TG: variants seen among roughly 807,000 people sequenced by gnomAD.
TG encodes thyroid hormones.
TG carries 270 observed loss-of-function variants against 324.7 expected under a neutral mutation model. That is an observed-to-expected ratio of 0.83 (90% CI 0.75 to 0.92). The LOEUF (loss-of-function observed/expected upper bound fraction) is 0.92. Among genes scored for constraint, TG ranks in the 40% least tolerant of loss-of-function variants. The pLI, the probability that TG is intolerant of heterozygous loss-of-function variation, is 0.00. For missense variants in TG, 3,591 were observed against 3,456.4 expected, an observed-to-expected ratio of 1.04 and a Z score of -0.98; for synonymous variants, 1,401 against 1,327.0, an observed-to-expected ratio of 1.06 and a Z score of -1.21.
intron 41 of TG, chr8:133,087,883 C>T (rs976064750): frequency 7.2e-5 from 11 of 152,162 alleles, no homozygotes; most frequent in African/African-American, 2.7e-4. Flanking sequence ...AAACCTGGGG[C>T]CAGAAAACCT....
Position 132,873,130 on chromosome 8 carries a change from T to C in TG, c.547T>C (p.Cys183Arg). 6.2e-7 allele frequency: 1 copy of C among 1,614,168 alleles called. No homozygotes were observed. Among genetic ancestry groups the C allele is most frequent in the Non-Finnish European group, 8.5e-7 (1 of 1,180,022 alleles). The change falls in exon 5 of 48, where the codon TGT (cysteine) becomes CGT (arginine). Residue 183 changes from cysteine to arginine, a missense_variant. Transcript: ENST00000220616. ...GGTGGGAGATAAGTCACCACCCCAG[T>C]GTTCTGCGGAGGGAGAGTTTATGCC... Reference protein sequence around the residue: ...HGVGDKSPPQCSAEGEFMPVQ... With the variant: ...HGVGDKSPPQRSAEGEFMPVQ...
chr8:133,025,388 C>G (rs72727499), intron 40 of TG, among the ~76,000 whole-genome samples: 1 of 152,142 alleles, frequency 6.6e-6, no homozygotes, highest in Non-Finnish European at 1.5e-5. Context: ...TGCAACTGTT[C>G]CCTCTTTCAT....
At chr8:133,107,982 CT>C (rs377363035) in intron 43 of TG, among the ~76,000 whole-genome samples, 334 of 134,096 alleles carry the variant, frequency 2.5e-3, no homozygotes, top group Middle Eastern at 0.012. Flanking sequence ...TTCTTTTCTT[CT>C]TTTTTTTTTT....
chr8:132,968,196 G>A (rs574049903), intron 31 of TG, among the ~76,000 whole-genome samples: 187 of 152,210 alleles, frequency 1.2e-3, no homozygotes, highest in African/African-American at 4.3e-3. Context: ...TTATTTGGGG[G>A]CAGTATTTCA....
At chr8:132,948,347 A>G (rs564074673) in intron 26 of TG, among the ~76,000 whole-genome samples, 11 of 152,212 alleles carry the variant, frequency 7.2e-5, no homozygotes, top group African/African-American at 2.4e-4. Flanking sequence ...GAGAGAGTGA[A>G]TATGATGGGA....
At chr8:132,949,002 C>G (rs1355770307) in intron 27 of TG, 59 bp downstream of exon 27, 68 of 1,514,788 alleles carry the variant, frequency 4.5e-5, no homozygotes, top group Non-Finnish European at 5.9e-5. Context: ...GAGCAAGGCC[C>G]TCTGCTACTT....
intron 27 of TG, among the ~76,000 whole-genome samples, chr8:132,949,497 A>G (rs1470247151): frequency 1.3e-5 from 2 of 152,214 alleles, no homozygotes; most frequent in Admixed American, 1.3e-4. Context: ...ATGTGCAAAT[A>G]GTATGACTAC....
At chr8:132,983,503 A>T (rs192520696) in intron 35 of TG, 91 bp downstream of exon 35, 7 of 1,238,510 alleles carry the variant, frequency 5.7e-6, no homozygotes, top group Admixed American at 1.7e-5. Flanking sequence ...ACAGAAGTTG[A>T]TAGCTTGCAT....
At chr8:132,867,168 C>A in intron 1 of TG, 101 bp downstream of exon 1, 2 of 1,017,432 alleles carry the variant, frequency 2.0e-6, no homozygotes, top group South Asian at 1.4e-5. Context: ...ATTTAATCTT[C>A]ACAAATTCCC....
At position 133,030,701 on chromosome 8, in the gene TG, TAAG is replaced by T. The variant is rs952274331; in HGVS notation, c.7239+683_7239+685del. Among the ~76,000 whole-genome samples, 5 of 152,218 alleles carry T rather than the reference TAAG, an allele frequency of 3.3e-5. No homozygotes were observed. The East Asian group carries it at 7.7e-4, about 23-fold the overall frequency. ...GACAAATGCTTAAAGCAGATATTTATAAGAAGATCTCAGGGCAGCCCTAAGAGA... is the reference window on the plus strand; with the variant it reads ...GACAAATGCTTAAAGCAGATATTTATAAGATCTCAGGGCAGCCCTAAGAGA... On this transcript the variant is annotated intron_variant, in intron 41 of 47. Transcript: ENST00000220616.
chr8:132,961,171 G>A, intron 28 of TG, 98 bp downstream of exon 28: 1 of 1,213,826 alleles, frequency 8.2e-7, no homozygotes, highest in Non-Finnish European at 1.2e-6. Flanking sequence ...TTCTGTAGAG[G>A]AATAGGTAGA....
chr8:132,956,243 T>A (rs1523070), intron 27 of TG, among the ~76,000 whole-genome samples: 46,346 of 152,092 alleles, frequency 0.3, 9,344 homozygotes, highest in African/African-American at 0.57. Flanking sequence ...GTGGGCTCTG[T>A]GTATCATTCA....
At chr8:133,023,485 G>A (rs1014452658) in intron 40 of TG, among the ~76,000 whole-genome samples, 2 of 152,182 alleles carry the variant, frequency 1.3e-5, no homozygotes, top group Admixed American at 1.3e-4. Context: ...GTGGTAAGAA[G>A]TGAATATGGT....
chr8:132,910,247 C>T (rs759329407), intron 18 of TG, among the ~76,000 whole-genome samples: 1 of 152,188 alleles, frequency 6.6e-6, no homozygotes, highest in Non-Finnish European at 1.5e-5. Context: ...CTGGGGCTGG[C>T]TTTCAGGGCC....
chr8:132,966,512 T>C, intron 29 of TG, 48 bp from the exon 30 acceptor site: 1 of 1,610,120 alleles, frequency 6.2e-7, no homozygotes, highest in Non-Finnish European at 8.5e-7. Context: ...TTTCTCATAT[T>C]CACTAGAGTT....
chr8:133,017,721 G>C (rs1331348879), intron 37 of TG, 57 bp from the exon 38 acceptor site: 1 of 1,510,980 alleles, frequency 6.6e-7, no homozygotes, highest in Non-Finnish European at 9.2e-7. Context: ...CCAGTGGAGA[G>C]AGCACTCACT....
At chr8:133,030,126 C>G in intron 41 of TG, 103 bp downstream of exon 41, 1 of 1,421,570 alleles carries the variant, frequency 7.0e-7, no homozygotes, top group South Asian at 1.2e-5. Flanking sequence ...GCTTGGGTTT[C>G]CCTTGTCCTT....
chr8:133,008,879 C>T (rs538577789), intron 35 of TG, among the ~76,000 whole-genome samples: 2 of 152,324 alleles, frequency 1.3e-5, no homozygotes, highest in South Asian at 4.1e-4. Context: ...CTGCCAAGAG[C>T]CCCAACTTTC....
intron 41 of TG, chr8:133,046,433 T>C (rs1839411767): frequency 6.6e-6 from 1 of 152,264 alleles, no homozygotes; most frequent in African/African-American, 2.4e-5. Context: ...CTCACAGTGC[T>C]CTAGGCCTGC....
Sources: gnomAD v4.1 joint callset for allele counts (sites outside exome capture counted in the v4.1 genomes callset) on GRCh38, gnomAD v4.1.1 for gene constraint, MANE v1.5 for transcripts, NCBI Gene and HGNC (gene_info 2026-07-23, HGNC 2026-07-21) for gene names.